Variants in KRT79 observed in about 807,000 individuals in gnomAD.
KRT79 encodes keratin, type II cytoskeletal 79.
A neutral mutation model predicts 49.0 loss-of-function variants in KRT79; 51 were observed. That is an observed-to-expected ratio of 1.04 (90% CI 0.83 to 1.31). The LOEUF is 1.31. Ranked by LOEUF, KRT79 falls within the 40% of genes most tolerant of loss-of-function variation. The pLI is 0.00. For missense variants in KRT79, 728 were observed against 688.0 expected, an observed-to-expected ratio of 1.06 and a Z score of -0.65; for synonymous variants, 312 against 286.6, an observed-to-expected ratio of 1.09 and a Z score of -0.90.
At chr12:52,822,915 T>C in intron 7 of KRT79, 101 bp downstream of exon 7, 4 of 1,192,768 alleles carry the variant, frequency 3.4e-6, no homozygotes, top group Non-Finnish European at 4.7e-6. Flanking sequence ...TCTTGCTCCC[T>C]GGTTCCTCTC....
In KRT79 at chr12:52,821,876, T is replaced by C; in HGVS notation, c.1604A>G (p.Tyr535Cys). ...TTTVKTSSQRY is the reference protein window; with the variant it reads ...TTTVKTSSQRC ...GGCCCTTGCAGGGCTCAGCAGCTAA[T>C]ACCTCTGGCTGGACGTCTTGACCGT... The change falls in exon 9 of 9, where the codon TAT becomes TGT. Residue 535 changes from tyrosine to cysteine, a missense_variant. Transcript: ENST00000330553. 1.9e-6 allele frequency: 3 copies of C among 1,613,802 alleles called. No individual in the cohort carries two copies. In the South Asian group the frequency reaches 3.3e-5, roughly 18 times the overall value.
rs762404734 is a variant in KRT79 at position 52,824,237 on chromosome 12, C to T, written c.981G>A (p.Gln327=). The T allele has an allele frequency of 6.2e-7, 1 of 1,614,158 alleles. No individual in the cohort carries two copies. The highest frequency in any genetic ancestry group is 8.5e-7 in the Non-Finnish European group (1 of 1,180,064). ...EVKAQYELIA[Q]RSRAEAEAWY... ...AGGCCTCGGCCTCAGCCCGGCTCCT[C>T]TGGGCAATCAGCTCATACTGGGCCT... Residue 327 remains glutamine (Q), a synonymous_variant, in exon 5 of 9, where the codon CAG becomes CAA. Transcript: ENST00000330553.
Position 52,831,489 on chromosome 12 carries a change from C to T in KRT79, c.615G>A (p.Thr205=), listed in dbSNP as rs200800580. The change falls in exon 2 of 9, where the codon ACG becomes ACA. Residue 205 remains threonine, a synonymous_variant. Coordinates refer to ENST00000330553, the MANE Select transcript of KRT79 (RefSeq NM_175834.3). ...FEAYLGSMRS[T]LDRLQSERGR... is the part of the protein sequence containing the mutation. ...CCCGCTCGCTCTGAAGTCTGTCCAGCGTGCTCCGCATGCTACCCAGGTAGG... is the reference window on the plus strand; with the variant it reads ...CCCGCTCGCTCTGAAGTCTGTCCAGTGTGCTCCGCATGCTACCCAGGTAGG... The T allele has an allele frequency of 5.0e-6, 8 of 1,614,120 alleles. No individual in the cohort carries two copies. The highest frequency in any genetic ancestry group is 4.0e-5 in the African/African-American group (3 of 74,936).
In KRT79 at chr12:52,823,940, G is replaced by A; in HGVS notation, c.1093C>T (p.Leu365Phe). ...LRDTKNEIAE[L>F]TRTIQRLQGE... The stretch of plus-strand genomic sequence containing the variant: ...TGCAGCCTCTGGATAGTGCGGGTGA[G>A]CTCAGCAATCTCGTTCTTGGTGTCC... The change falls in exon 6 of 9, where the codon CTC becomes TTC. Residue 365 changes from leucine (L) to phenylalanine (F), a missense_variant. Coordinates refer to ENST00000330553, the MANE Select transcript of KRT79 (RefSeq NM_175834.3). 6.2e-7 allele frequency: 1 copy of A among 1,614,042 alleles called. No individual in the cohort carries two copies. The highest frequency in any genetic ancestry group is 2.2e-5 in the East Asian group (1 of 44,882).
In KRT79 at chr12:52,821,906, G is replaced by A. The variant is rs761349072; in HGVS notation, c.1574C>T (p.Thr525Ile). Residue 525 changes from threonine to isoleucine, a missense_variant, in exon 9 of 9, where the codon ACC becomes ATC. Coordinates refer to ENST00000330553, the MANE Select transcript of KRT79 (RefSeq NM_175834.3). ...VSAGTSILRK[T>I]TTVKTSSQRY Reference sequence around the variant, plus strand: ...CTGGCTGGACGTCTTGACCGTAGTGGTCTTCCGCAGGATGGAGGTGCCCGC... The same window carrying A: ...CTGGCTGGACGTCTTGACCGTAGTGATCTTCCGCAGGATGGAGGTGCCCGC... The A allele has an allele frequency of 1.4e-5, 22 of 1,614,016 alleles. No homozygotes were observed. Among genetic ancestry groups the A allele is most frequent in the Admixed American group, 6.7e-5 (4 of 60,002 alleles).
At position 52,822,892 on chromosome 12, in the gene KRT79, G is replaced by A. The variant is rs1472602102; in HGVS notation, c.1367+124C>T. On this transcript the variant is annotated intron_variant, in intron 7 of 8. Coordinates refer to ENST00000330553, the MANE Select transcript of KRT79 (RefSeq NM_175834.3). ...GTGGGCACAAGCAGATTTTCCCCCCGCGTGAGTCAGGATCTTGCTCCCTGG... is the reference window on the plus strand; with the variant it reads ...GTGGGCACAAGCAGATTTTCCCCCCACGTGAGTCAGGATCTTGCTCCCTGG... The A allele has an allele frequency of 3.1e-5, 28 of 897,056 alleles. 1 individual carries two copies. The highest frequency in any genetic ancestry group is 2.8e-4 in the South Asian group (16 of 57,868). 55.6% of individuals were successfully genotyped at this position (897,056 alleles called of 1,614,324 possible). A position where few individuals can be genotyped will look rare whatever the true frequency, so the allele number is the denominator to read the frequency against.
In KRT79 at chr12:52,821,613, C is replaced by CGAAGTATCATT; in HGVS notation, c.*258_*259insAATGATACTTC. On this transcript the variant is annotated 3_prime_UTR_variant, in exon 9 of 9. Coordinates refer to ENST00000330553, the MANE Select transcript of KRT79 (RefSeq NM_175834.3). ...AGAAATTCAGCCTCCTCTCGGTGGT[C>CGAAGTATCATT]AAAAGGTCACCCCCAAGTCACCCAA... is the stretch of plus-strand genomic sequence containing the variant. 4.0e-5 allele frequency: 20 copies of CGAAGTATCATT among 494,278 alleles called. No individual in the cohort carries two copies. The highest frequency in any genetic ancestry group is 1.4e-4 in the Admixed American group (4 of 28,238). 30.6% of individuals were successfully genotyped at this position (494,278 alleles called of 1,614,324 possible). A position where few individuals can be genotyped will look rare whatever the true frequency, so the allele number is the denominator to read the frequency against.
At chr12:52,822,296 T>A (rs1297482334) in intron 8 of KRT79, 49 bp downstream of exon 8, 1 of 1,584,820 alleles carries the variant, frequency 6.3e-7, no homozygotes. Flanking sequence ...TGAGCAGAGT[T>A]CTGGGGCCTG....
In KRT79 at chr12:52,823,018, G is replaced by A. The variant is rs1161227469; in HGVS notation, c.1365C>T (p.Ser455=). The change falls in exon 7 of 9, where the codon AGC becomes AGT. Residue 455 remains serine (S), a splice_region_variant and synonymous_variant. Coordinates refer to ENST00000330553, the MANE Select transcript of KRT79 (RefSeq NM_175834.3). The stretch of plus-strand genomic sequence containing the variant: ...GGTCGGGCAGGAGGGGCCACCACCT[G>A]CTCTCCTCGCTCTCCAGAAGCTTGC... The part of the protein sequence containing the change: ...TYRKLLESEE[S]RMSGECPSAV... The A allele has an allele frequency of 8.7e-6, 14 of 1,613,684 alleles. No individual in the cohort carries two copies. The African/African-American group carries it at 1.6e-4, about 18-fold the overall frequency.
At position 52,821,613 on chromosome 12, in the gene KRT79, C is replaced by CGCCGTATCATG; in HGVS notation, c.*258_*259insCATGATACGGC. On this transcript the variant is annotated 3_prime_UTR_variant, in exon 9 of 9. Coordinates refer to ENST00000330553, the MANE Select transcript of KRT79 (RefSeq NM_175834.3). Reference sequence around the variant, plus strand: ...AGAAATTCAGCCTCCTCTCGGTGGTCAAAAGGTCACCCCCAAGTCACCCAA... The same window carrying CGCCGTATCATG: ...AGAAATTCAGCCTCCTCTCGGTGGTCGCCGTATCATGAAAAGGTCACCCCCAAGTCACCCAA... The CGCCGTATCATG allele has an allele frequency of 2.0e-6, 1 of 494,336 alleles. No homozygotes were observed. Among genetic ancestry groups the CGCCGTATCATG allele is most frequent in the South Asian group, 2.3e-5 (1 of 43,484 alleles). 30.6% of individuals were successfully genotyped at this position (494,336 alleles called of 1,614,324 possible).
At chr12:52,829,185 A>G (rs186202265) in intron 4 of KRT79, among the ~76,000 whole-genome samples, 46 of 152,226 alleles carry the variant, frequency 3.0e-4, no homozygotes, top group Non-Finnish European at 5.9e-5. Context: ...TCTGCGGTCA[A>G]TTCATGTTAA....
Position 52,822,984 on chromosome 12 carries a change from AGCTTTCTGGGTCG to A in KRT79, c.1367+19_1367+31del, listed in dbSNP as rs1565689312. On this transcript the variant is annotated intron_variant, in intron 7 of 8. Coordinates refer to ENST00000330553, the MANE Select transcript of KRT79 (RefSeq NM_175834.3). ...CTCTCCCCCAGGGCAGGCCCGACCCAGCTTTCTGGGTCGGGCAGGAGGGGCCACCACCTGCTCT... is the reference window on the plus strand; with the variant it reads ...CTCTCCCCCAGGGCAGGCCCGACCCAGGCAGGAGGGGCCACCACCTGCTCT... 1 of 1,601,352 alleles carries A rather than the reference AGCTTTCTGGGTCG, an allele frequency of 6.2e-7. No homozygotes were observed. The highest frequency in any genetic ancestry group is 8.5e-7 in the Non-Finnish European group (1 of 1,175,352).
In KRT79 at chr12:52,821,618, G is replaced by GACGT; in HGVS notation, c.*253_*254insACGT. On this transcript the variant is annotated 3_prime_UTR_variant, in exon 9 of 9. Coordinates refer to ENST00000330553, the MANE Select transcript of KRT79 (RefSeq NM_175834.3). ...TTCAGCCTCCTCTCGGTGGTCAAAA[G>GACGT]GTCACCCCCAAGTCACCCAAGCACA... The GACGT allele has an allele frequency of 3.3e-6, 1 of 305,768 alleles. No individual in the cohort carries two copies. The highest frequency in any genetic ancestry group is 5.7e-6 in the Non-Finnish European group (1 of 175,254). 18.9% of individuals were successfully genotyped at this position (305,768 alleles called of 1,614,324 possible).
chr12:52,822,422 G>A lies in KRT79; in HGVS notation c.1368-43C>T, dbSNP rs922676490. On this transcript the variant is annotated intron_variant, in intron 7 of 8. Coordinates refer to ENST00000330553, the MANE Select transcript of KRT79 (RefSeq NM_175834.3). ...GCCAGGAGAGCAGTCAGTTATCCCTGGTGCCCACATGAAAACCCTCTCCTT... is the reference window on the plus strand; with the variant it reads ...GCCAGGAGAGCAGTCAGTTATCCCTAGTGCCCACATGAAAACCCTCTCCTT... 6 of 1,413,408 alleles carry A rather than the reference G, an allele frequency of 4.2e-6. No individual in the cohort carries two copies. The East Asian group carries it at 1.2e-4, about 27-fold the overall frequency. The allele number at this position is 1,413,408 out of a possible 1,614,324, so 87.6% of individuals were successfully genotyped here.
chr12:52,823,923 C>G lies in KRT79; in HGVS notation c.1110G>C (p.Gln370His), dbSNP rs969434653. ...CTGCATCAGCCTCCCCCTGCAGCCT[C>G]TGGATAGTGCGGGTGAGCTCAGCAA... is the stretch of plus-strand genomic sequence containing the variant. The part of the protein sequence containing the change: ...NEIAELTRTI[Q>H]RLQGEADAAK... The change falls in exon 6 of 9, where the codon CAG becomes CAC. Residue 370 changes from glutamine to histidine, a missense_variant. Gln to His is a conservative substitution (Grantham distance 24, BLOSUM62 0). Transcript: ENST00000330553. The G allele has an allele frequency of 6.2e-7, 1 of 1,613,942 alleles. No individual in the cohort carries two copies. Among genetic ancestry groups the G allele is most frequent in the Non-Finnish European group, 8.5e-7 (1 of 1,180,024 alleles).
chr12:52,831,646 G>A lies in KRT79; in HGVS notation c.478-20C>T. The A allele has an allele frequency of 5.6e-6, 9 of 1,600,558 alleles. No homozygotes were observed. The highest frequency in any genetic ancestry group is 7.7e-6 in the Non-Finnish European group (9 of 1,168,530). ...CCGCACCTGAGCCAGAGCAGAAAGG[G>A]TGGGCTGATGTCACCCTCCGGTCAC... On this transcript the variant is annotated intron_variant, in intron 1 of 8. Coordinates refer to ENST00000330553, the MANE Select transcript of KRT79 (RefSeq NM_175834.3).
At chr12:52,826,382 G>A (rs10783542) in intron 4 of KRT79, among the ~76,000 whole-genome samples, 60,596 of 151,570 alleles carry the variant, frequency 0.4, 12,602 homozygotes, top group South Asian at 0.64. Context: ...GCATGGTGAC[G>A]TGCGCCTGTA....
At chr12:52,833,350 C>T (rs1940283493) in intron 1 of KRT79, among the ~76,000 whole-genome samples, 1 of 152,210 alleles carries the variant, frequency 6.6e-6, no homozygotes, top group East Asian at 1.9e-4. Context: ...GGGCTCCATG[C>T]TCTTAGCCTT....
rs1940143017 is a variant in KRT79 at position 52,824,146 on chromosome 12, G to A, written c.1020+52C>T. 6.2e-6 allele frequency: 10 copies of A among 1,613,294 alleles called. No individual in the cohort carries two copies. In the South Asian group the frequency reaches 1.1e-4, roughly 18 times the overall value. On this transcript the variant is annotated intron_variant, in intron 5 of 8. Coordinates refer to ENST00000330553, the MANE Select transcript of KRT79 (RefSeq NM_175834.3). Reference sequence around the variant, plus strand: ...CCAGAGGCCCAAGCCTCTCACGATGGGAGATCTGATCCGACCCCAGGCCTC... The same window carrying A: ...CCAGAGGCCCAAGCCTCTCACGATGAGAGATCTGATCCGACCCCAGGCCTC...
Sources: gnomAD v4.1 joint callset for allele counts (sites outside exome capture counted in the v4.1 genomes callset) on GRCh38, gnomAD v4.1.1 for gene constraint, MANE v1.5 for transcripts, NCBI Gene and HGNC (gene_info 2026-07-23, HGNC 2026-07-21) for gene names.